Variants in TMEM47 observed in about 807,000 individuals in gnomAD.
TMEM47 encodes the protein transmembrane protein 47.
TMEM47 carries 3 observed loss-of-function variants against 12.4 expected under a neutral mutation model. That is an observed-to-expected ratio of 0.24 (90% CI 0.11 to 0.63). TMEM47 has a LOEUF of 0.63. Ranked by LOEUF, TMEM47 falls within the 20% of genes least tolerant of loss-of-function variation. The pLI is 0.86. For missense variants in TMEM47, 89 were observed against 143.8 expected (o/e 0.62, Z 1.95); for synonymous variants, 62 against 63.3 (o/e 0.98, Z 0.10).
At chrX:34,651,541 G>C (rs767263031) in intron 1 of TMEM47, among the ~76,000 whole-genome samples, 1 of 112,038 alleles carries the variant, frequency 8.9e-6, no homozygotes, top group African/African-American at 3.2e-5. Flanking sequence ...CTGACCCACA[G>C]AATTCATGAG....
At chrX:34,655,123 A>G (rs936806212) in intron 1 of TMEM47, among the ~76,000 whole-genome samples, 3 of 111,921 alleles carry the variant, frequency 2.7e-5, no homozygotes, top group African/African-American at 9.8e-5. Context: ...CCTGGCCAAG[A>G]AAAAAGGGTA....
chrX:34,631,299 A>T (rs1921619928), intron 2 of TMEM47, among the ~76,000 whole-genome samples: 1 of 108,944 alleles, frequency 9.2e-6, no homozygotes, highest in Non-Finnish European at 1.9e-5. Context: ...GCAACTGGTC[A>T]TCCTGTGAGT....
chrX:34,635,974 A>C (rs1921708905), intron 2 of TMEM47, among the ~76,000 whole-genome samples: 1 of 112,106 alleles, frequency 8.9e-6, no homozygotes, highest in Admixed American at 9.5e-5. Flanking sequence ...GTTAATATGA[A>C]GGTATCCATT....
intron 1 of TMEM47, among the ~76,000 whole-genome samples, chrX:34,653,955 C>T (rs1381728411): frequency 9.0e-6 from 1 of 111,274 alleles, no homozygotes; most frequent in Non-Finnish European, 1.9e-5. Flanking sequence ...AGTGCCTCAA[C>T]TGTCCTCCAT....
At chrX:34,649,700 A>C (rs1196073370) in intron 1 of TMEM47, among the ~76,000 whole-genome samples, 1 of 111,048 alleles carries the variant, frequency 9.0e-6, no homozygotes, top group Non-Finnish European at 1.9e-5. Flanking sequence ...CCCGAACCTA[A>C]AATAAAAGTT....
intron 2 of TMEM47, among the ~76,000 whole-genome samples, chrX:34,631,170 CAAAAAAAAAAAAAAAA>C (rs34845525): frequency 1.4e-3 from 26 of 18,578 alleles, no homozygotes; most frequent in Non-Finnish European, 1.4e-3. Flanking sequence ...GACTCTGTCT[CAAAAAAAAAAAAAAAA>C]AAAAAAAAAA....
rs775423495 is a variant in TMEM47, at chrX:34,630,457, T to A, written c.402A>T (p.Pro134=). 1 of 1,207,409 alleles carries A rather than the reference T, an allele frequency of 8.3e-7. No homozygotes were observed. The highest frequency in any genetic ancestry group is 3.0e-5 in the East Asian group (1 of 33,741). ...VLQVCSLVLY[P]IKFIETVSLK... is the part of the protein sequence containing the mutation. ...AGCTCACAGTTTCAATGAACTTGAT[T>A]GGGTAAAGGACCAGGCTGCAAACCT... is the stretch of plus-strand genomic sequence containing the variant. Residue 134 remains proline, a synonymous_variant, in exon 3 of 3, where the codon CCA becomes CCT. Transcript: ENST00000275954.
At chrX:34,638,003 AGACTT>A (rs1921747098) in intron 2 of TMEM47, among the ~76,000 whole-genome samples, 1 of 111,213 alleles carries the variant, frequency 9.0e-6, no homozygotes, top group Non-Finnish European at 1.9e-5. Context: ...ACTGGGACTA[AGACTT>A]CAAAATATTT....
chrX:34,634,080 TAA>T (rs779295522), intron 2 of TMEM47, among the ~76,000 whole-genome samples: 83 of 110,967 alleles, frequency 7.5e-4, no homozygotes, highest in African/African-American at 2.4e-3. Flanking sequence ...AAAAAAAACA[TAA>T]AGAGTTCAGA....
At position 34,630,495 on chromosome X, in the gene TMEM47, A is replaced by G. The variant is rs1921596427; in HGVS notation, c.368-4T>C. The G allele has an allele frequency of 1.7e-6, 2 of 1,181,274 alleles. No homozygotes were observed. Among genetic ancestry groups the G allele is most frequent in the Non-Finnish European group, 2.3e-6 (2 of 879,310 alleles). On this transcript the variant is annotated splice_polypyrimidine_tract_variant and splice_region_variant and intron_variant, in intron 2 of 2. Transcript: ENST00000275954. ...AGGCTGCAAACCTGTAAAACAACTGAAAGAAAAGCAAATCAAAATTAGAAA... is the reference window on the plus strand; with the variant it reads ...AGGCTGCAAACCTGTAAAACAACTGGAAGAAAAGCAAATCAAAATTAGAAA...
At position 34,628,026 on chromosome X, in the gene TMEM47, C is replaced by T. The variant is rs1467997926; in HGVS notation, c.*2287G>A. 9.0e-6 allele frequency: 1 copy of T among 111,658 alleles called. No individual in the cohort carries two copies. Among genetic ancestry groups the T allele is most frequent in the Non-Finnish European group, 1.9e-5 (1 of 53,001 alleles). The allele number at this position is 111,658 out of a possible 1,213,427, so 9.2% of individuals were successfully genotyped here. ...AAACTGCAAATATGTGTGCTTCAAC[C>T]TATAACATATTCTGTCACTTTGAGC... On this transcript the variant is annotated 3_prime_UTR_variant, in exon 3 of 3. Coordinates refer to ENST00000275954, the MANE Select transcript of TMEM47 (RefSeq NM_031442.4).
chrX:34,631,990 C>T (rs1481501979), intron 2 of TMEM47, among the ~76,000 whole-genome samples: 1 of 111,292 alleles, frequency 9.0e-6, no homozygotes, highest in Non-Finnish European at 1.9e-5. Flanking sequence ...GGCAAACTAC[C>T]AAATCTGGTC....
Position 34,629,744 on chromosome X carries a change from C to G in TMEM47, c.*569G>C, listed in dbSNP as rs1254084289. 9.0e-6 allele frequency: 1 copy of G among 111,568 alleles called. No homozygotes were observed. The highest frequency in any genetic ancestry group is 3.3e-5 in the African/African-American group (1 of 30,641). The allele number at this position is 111,568 out of a possible 1,213,427, so 9.2% of individuals were successfully genotyped here. A position where few individuals can be genotyped will look rare whatever the true frequency, so the allele number is the denominator to read the frequency against. On this transcript the variant is annotated 3_prime_UTR_variant, in exon 3 of 3. Coordinates refer to ENST00000275954, the MANE Select transcript of TMEM47 (RefSeq NM_031442.4). Reference sequence around the variant, plus strand: ...GAGACGCTGATTGCCAAAGCATAACCTCCCATTAAAAAGAGTGTTCCTGAA... The same window carrying G: ...GAGACGCTGATTGCCAAAGCATAACGTCCCATTAAAAAGAGTGTTCCTGAA...
At chrX:34,654,531 A>T (rs1404774940) in intron 1 of TMEM47, among the ~76,000 whole-genome samples, 1 of 111,966 alleles carries the variant, frequency 8.9e-6, no homozygotes, top group Non-Finnish European at 1.9e-5. Flanking sequence ...TGATTCGGGC[A>T]TTCCCCTTCC....
chrX:34,652,812 G>T (rs916561570), intron 1 of TMEM47, among the ~76,000 whole-genome samples: 1 of 111,847 alleles, frequency 8.9e-6, no homozygotes, highest in Non-Finnish European at 1.9e-5. Context: ...AAACAAAACT[G>T]CATTTATTCT....
rs1174235566 is a variant in TMEM47, at chrX:34,657,087, G to A, written c.-58C>T. On this transcript the variant is annotated 5_prime_UTR_variant, in exon 1 of 3. Coordinates refer to ENST00000275954, the MANE Select transcript of TMEM47 (RefSeq NM_031442.4). ...GGCGAGGACGCCAGGCGGGTCCGGA[G>A]AGCCGGGAGCCGGACCTCCCGAAGG... 1 of 1,083,526 alleles carries A rather than the reference G, an allele frequency of 9.2e-7. No homozygotes were observed. The highest frequency in any genetic ancestry group is 1.9e-5 in the African/African-American group (1 of 52,181). The allele number at this position is 1,083,526 out of a possible 1,213,427, so 89.3% of individuals were successfully genotyped here.
In TMEM47 at chrX:34,627,077, C is replaced by T. The variant is rs755517796; in HGVS notation, c.*3236G>A. 7 of 111,374 alleles carry T rather than the reference C, an allele frequency of 6.3e-5. No individual in the cohort carries two copies. Among genetic ancestry groups the T allele is most frequent in the South Asian group, 3.8e-4 (1 of 2,664 alleles). The allele number at this position is 111,374 out of a possible 1,213,427, so 9.2% of individuals were successfully genotyped here. ...AGACGACACAAATTCAAACCACATC[C>T]GTGAAATCACTTTTATTTTTATTTT... is the stretch of plus-strand genomic sequence containing the variant. On this transcript the variant is annotated 3_prime_UTR_variant, in exon 3 of 3. Transcript: ENST00000275954.
rs1921552209 is a variant in TMEM47, at chrX:34,628,576, G to A, written c.*1737C>T. On this transcript the variant is annotated 3_prime_UTR_variant, in exon 3 of 3. Coordinates refer to ENST00000275954, the MANE Select transcript of TMEM47 (RefSeq NM_031442.4). ...TTTTTTTTTTTGGCTGTTGTTTTTG[G>A]CAACCATTCTTAAGACAAGCTGAAA... The A allele has an allele frequency of 9.2e-6, 1 of 108,342 alleles. No homozygotes were observed. The highest frequency in any genetic ancestry group is 1.0e-4 in the Admixed American group (1 of 10,030). The allele number at this position is 108,342 out of a possible 1,213,427, so 8.9% of individuals were successfully genotyped here.
intron 2 of TMEM47, among the ~76,000 whole-genome samples, chrX:34,631,099 AG>A (rs1311458356): frequency 1.2e-5 from 1 of 85,050 alleles, no homozygotes; most frequent in African/African-American, 4.6e-5. Context: ...TGAACCAGGG[AG>A]GGGGAGGTTG....
Sources: gnomAD v4.1 joint callset for allele counts (sites outside exome capture counted in the v4.1 genomes callset) on GRCh38, gnomAD v4.1.1 for gene constraint, MANE v1.5 for transcripts, NCBI Gene and HGNC (gene_info 2026-07-23, HGNC 2026-07-21) for gene names.